SH3BP4: variants seen among roughly 807,000 people sequenced by gnomAD.
SH3BP4 encodes the protein SH3 domain-binding protein 4.
In SH3BP4, 33 loss-of-function variants were observed where a neutral mutation model predicts 65.5. The observed-to-expected ratio is 0.50, with a 90% CI of 0.38 to 0.67. SH3BP4 has a LOEUF of 0.67. SH3BP4 is among the 30% of genes least tolerant of loss of function. The probability of loss-of-function intolerance (pLI) is 0.00; values close to 1 mark genes in which losing one functional copy is unlikely to be tolerated. For synonymous variants in SH3BP4, 552 were observed against 545.5 expected (o/e 1.01, Z -0.17); for missense variants, 1,134 against 1,261.4 (o/e 0.90, Z 1.53).
intron 4 of SH3BP4, among the ~76,000 whole-genome samples, chr2:235,049,482 T>TGTG (rs1398348783): frequency 6.6e-6 from 1 of 152,182 alleles, no homozygotes; most frequent in African/African-American, 2.4e-5. Context: ...TGTCAAACCC[T>TGTG]GTGGTGGTCC....
rs764809947 is a variant in SH3BP4, at chr2:235,042,540, G to A, written c.1771G>A (p.Val591Ile). 28 of 1,614,028 alleles carry A rather than the reference G, an allele frequency of 1.7e-5. No homozygotes were observed. Among genetic ancestry groups the A allele is most frequent in the Non-Finnish European group, 2.3e-5 (27 of 1,180,050 alleles). Residue 591 changes from valine (V) to isoleucine (I), a missense_variant, in exon 4 of 6, where the codon GTT becomes ATT. Coordinates refer to ENST00000392011, the MANE Select transcript of SH3BP4 (RefSeq NM_014521.3). This position sits in a 1 kb window ranked among gnomAD's most constrained non-coding sequence, Gnocchi z 7.3. ...PNELSDFTLR[V>I]QVKDDQEAIL... Reference sequence around the variant, plus strand: ...CGAGCTCTCTGACTTCACGCTGCGGGTTCAGGTGAAGGACGACCAGGAGGC... The same window carrying A: ...CGAGCTCTCTGACTTCACGCTGCGGATTCAGGTGAAGGACGACCAGGAGGC...
rs187271241 is a variant in SH3BP4 at position 235,007,286 on chromosome 2, G to A, written c.-133+11910G>A. On this transcript the variant is annotated intron_variant, in intron 2 of 5. Coordinates refer to ENST00000392011, the MANE Select transcript of SH3BP4 (RefSeq NM_014521.3). ...GTGGGGTCCAGAGCAGCTCCTCCCT[G>A]CTTCCTCCAGGTTGCAGTGGAGACC... Among the ~76,000 whole-genome samples the A allele has an allele frequency of 7.6e-3, 1,153 of 152,234 alleles. 9 individuals are homozygous for A. The highest frequency in any genetic ancestry group is 0.024 in the Middle Eastern group (7 of 294).
intron 2 of SH3BP4, among the ~76,000 whole-genome samples, chr2:235,026,000 C>G (rs1030606768): frequency 6.6e-6 from 1 of 152,168 alleles, no homozygotes; most frequent in Non-Finnish European, 1.5e-5. Flanking sequence ...TAGAATGTCT[C>G]CCACAGACTG....
At position 235,038,372 on chromosome 2, in the gene SH3BP4, T is replaced by C. The variant is rs1437101363; in HGVS notation, c.119-2516T>C. On this transcript the variant is annotated intron_variant, in intron 3 of 5. Coordinates refer to ENST00000392011, the MANE Select transcript of SH3BP4 (RefSeq NM_014521.3). ...ATTTTATATATATATATATAATATA[T>C]ATACATATATATATATATATATATA... Among the ~76,000 whole-genome samples the C allele has an allele frequency of 6.9e-4, 32 of 46,620 alleles. 1 individual carries two copies. Among genetic ancestry groups the C allele is most frequent in the Non-Finnish European group, 1.1e-3 (31 of 29,358 alleles). The allele number at this position is 46,620 out of a possible 152,430, so 30.6% of individuals were successfully genotyped here.
chr2:234,981,914 C>G (rs1693397572), intron 1 of SH3BP4, among the ~76,000 whole-genome samples: 1 of 152,194 alleles, frequency 6.6e-6, no homozygotes, highest in African/African-American at 2.4e-5. Context: ...GAGCGCATCT[C>G]TTTGTAAGCT....
At chr2:235,049,355 C>G (rs1267711355) in intron 4 of SH3BP4, among the ~76,000 whole-genome samples, 1 of 152,182 alleles carries the variant, frequency 6.6e-6, no homozygotes, top group Non-Finnish European at 1.5e-5. Flanking sequence ...TTGACCTGTT[C>G]TGTTACCTAG....
chr2:235,046,298 G>C lies in SH3BP4; in HGVS notation c.2478+3051G>C, dbSNP rs1012759046. On this transcript the variant is annotated intron_variant, in intron 4 of 5. Coordinates refer to ENST00000392011, the MANE Select transcript of SH3BP4 (RefSeq NM_014521.3). The surrounding 1 kb of genome is among the most constrained non-coding windows in gnomAD (Gnocchi z 4.2). ...AAGCGGTTTGTTTTGGCCAGGCATG[G>C]AGGTTCACACCTGTAATACCAGCAC... is the stretch of plus-strand genomic sequence containing the variant. 2.0e-5 allele frequency among the ~76,000 whole-genome samples: 3 copies of C among 152,206 alleles called. No individual in the cohort carries two copies. The highest frequency in any genetic ancestry group is 7.2e-5 in the African/African-American group (3 of 41,444).
intron 1 of SH3BP4, among the ~76,000 whole-genome samples, chr2:234,959,486 A>G (rs1426830107): frequency 1.3e-5 from 2 of 152,192 alleles, no homozygotes; most frequent in Non-Finnish European, 2.9e-5. Flanking sequence ...TAAAACTTAC[A>G]ATATATGATA....
At chr2:234,990,394 T>C (rs754881839) in intron 1 of SH3BP4, among the ~76,000 whole-genome samples, 24 of 152,228 alleles carry the variant, frequency 1.6e-4, no homozygotes, top group Non-Finnish European at 2.9e-4. Context: ...TTACACGTTT[T>C]CCAGTTTACT....
intron 1 of SH3BP4, among the ~76,000 whole-genome samples, chr2:234,963,932 G>A (rs972277718): frequency 5.9e-5 from 9 of 152,182 alleles, no homozygotes; most frequent in East Asian, 1.9e-4. Flanking sequence ...CCTGCTGATC[G>A]CAAGACTGTA....
At chr2:234,990,481 C>G (rs1478505242) in intron 1 of SH3BP4, among the ~76,000 whole-genome samples, 1 of 152,206 alleles carries the variant, frequency 6.6e-6, no homozygotes, top group Non-Finnish European at 1.5e-5. Flanking sequence ...ACTTTTGGGC[C>G]CATACCTGAA....
chr2:234,993,192 C>T (rs1001465432), intron 1 of SH3BP4, among the ~76,000 whole-genome samples: 10 of 152,180 alleles, frequency 6.6e-5, no homozygotes, highest in Admixed American at 4.6e-4. Context: ...GTCGGTTTCT[C>T]GAAGCCCCCG....
chr2:234,981,010 C>T (rs1258131337), intron 1 of SH3BP4, among the ~76,000 whole-genome samples: 1 of 152,156 alleles, frequency 6.6e-6, no homozygotes, highest in Non-Finnish European at 1.5e-5. Flanking sequence ...CAGCCTTGTG[C>T]CACCATGCCT....
In SH3BP4 at chr2:235,035,012, C is replaced by T. The variant is rs1317142198; in HGVS notation, c.10C>T (p.Gln4Ter). The T allele has an allele frequency of 5.0e-6, 8 of 1,613,924 alleles. No homozygotes were observed. The highest frequency in any genetic ancestry group is 6.8e-6 in the Non-Finnish European group (8 of 1,179,958). ...GGAAGCGAGTTTCGAGATGGCGGCT[C>T]AGCGGATCCGAGCGGCCAACTCCAA... The part of the protein sequence containing the change: MAA[Q>*]RIRAANSNGL... The change falls in exon 3 of 6, where the codon CAG (glutamine) becomes TAG (stop). Residue 4 changes from glutamine (Q) to a stop codon, truncating the protein, a stop_gained. Transcript: ENST00000392011. LOFTEE classifies it high-confidence loss of function. This position sits in a 1 kb window ranked among gnomAD's most constrained non-coding sequence, Gnocchi z 5.0.
rs1696165530 is a variant in SH3BP4, at chr2:235,054,481, T to C, written c.*665T>C. 6.6e-6 allele frequency: 1 copy of C among 152,322 alleles called. No homozygotes were observed. Among genetic ancestry groups the C allele is most frequent in the Non-Finnish European group, 1.5e-5 (1 of 68,094 alleles). 9.4% of individuals were successfully genotyped at this position (152,322 alleles called of 1,614,324 possible). On this transcript the variant is annotated 3_prime_UTR_variant, in exon 6 of 6. Transcript: ENST00000392011. ...GTAGTAAATGACCATCCATAGAATA[T>C]GTGAATCTTTGGTGAGCTTCAGTGG... is the stretch of plus-strand genomic sequence containing the variant.
At chr2:235,028,319 G>A (rs1357671715) in intron 2 of SH3BP4, among the ~76,000 whole-genome samples, 1 of 152,226 alleles carries the variant, frequency 6.6e-6, no homozygotes, top group Non-Finnish European at 1.5e-5. Flanking sequence ...TGACCACTGG[G>A]ACCTGCTGAG....
chr2:235,013,314 G>T (rs886636165), intron 2 of SH3BP4, among the ~76,000 whole-genome samples: 3 of 152,040 alleles, frequency 2.0e-5, no homozygotes, highest in Non-Finnish European at 2.9e-5. Flanking sequence ...CCACAATCAC[G>T]CAGGAACCTT....
Position 235,033,143 on chromosome 2 carries a change from C to G in SH3BP4, c.-132-1728C>G, listed in dbSNP as rs1232142055. 6.6e-6 allele frequency among the ~76,000 whole-genome samples: 1 copy of G among 152,198 alleles called. No individual in the cohort carries two copies. Among genetic ancestry groups the G allele is most frequent in the African/African-American group, 2.4e-5 (1 of 41,460 alleles). On this transcript the variant is annotated intron_variant, in intron 2 of 5. Coordinates refer to ENST00000392011, the MANE Select transcript of SH3BP4 (RefSeq NM_014521.3). The surrounding 1 kb of genome is among the most constrained non-coding windows in gnomAD (Gnocchi z 5.7). ...AGAGAGGTGGCCACCATGCCCTCCT[C>G]TCCTGCCGCCTGCTGCATTCAAGCA...
In SH3BP4 at chr2:235,041,992, A is replaced by G; in HGVS notation, c.1223A>G (p.Lys408Arg). The G allele has an allele frequency of 6.2e-7, 1 of 1,613,564 alleles. No homozygotes were observed. The highest frequency in any genetic ancestry group is 8.5e-7 in the Non-Finnish European group (1 of 1,179,580). The stretch of plus-strand genomic sequence containing the variant: ...GAGATAAAAAATGACCTTTTTAGCA[A>G]AAGCACAGTGGGCCTCCAGTGCCTG... ...SAEIKNDLFS[K>R]STVGLQCLRS... is the part of the protein sequence containing the mutation. The change falls in exon 4 of 6, where the codon AAA (lysine) becomes AGA (arginine). Residue 408 changes from lysine to arginine, a missense_variant. By Grantham distance (26) the Lys-to-Arg change is conservative. Transcript: ENST00000392011. The surrounding 1 kb of genome is among the most constrained non-coding windows in gnomAD (Gnocchi z 6.0).
Sources: allele counts gnomAD v4.1 joint callset (sites outside exome capture counted in the v4.1 genomes callset), GRCh38; gene constraint gnomAD v4.1.1; non-coding constraint Gnocchi (gnomAD v3.1); transcripts MANE v1.5; gene names NCBI Gene and HGNC (gene_info 2026-07-23, HGNC 2026-07-21).